CSMD1: variants seen among roughly 807,000 people sequenced by gnomAD.
The protein encoded by CSMD1 is CUB and sushi domain-containing protein 1.
In CSMD1, 213 loss-of-function variants were observed where a neutral mutation model predicts 417.5. The ratio of observed to expected loss-of-function variants is 0.51; its 90% CI spans 0.46 to 0.57. CSMD1 has a LOEUF of 0.57. Among genes scored for constraint, CSMD1 ranks in the 20% least tolerant of loss-of-function variants. The probability of loss-of-function intolerance (pLI) is 0.00; values close to 1 mark genes in which losing one functional copy is unlikely to be tolerated. For synonymous variants in CSMD1, 2,862 were observed against 1,736.8 expected, an observed-to-expected ratio of 1.65 and a Z score of -16.11; for missense variants, 6,923 against 4,529.7, an observed-to-expected ratio of 1.53 and a Z score of -15.17.
intron 6 of CSMD1, among the ~76,000 whole-genome samples, chr8:3,730,960 G>C (rs1796216125): frequency 6.6e-6 from 1 of 152,128 alleles, no homozygotes; most frequent in African/African-American, 2.4e-5. Context: ...AATTATTTTA[G>C]TGGGGAAAAT....
At chr8:3,361,430 C>T (rs1462116268) in intron 20 of CSMD1, among the ~76,000 whole-genome samples, 5 of 151,650 alleles carry the variant, frequency 3.3e-5, no homozygotes, top group African/African-American at 1.2e-4. Flanking sequence ...AGTTTGAGAC[C>T]AGACTGACTA....
At chr8:4,028,229 C>A (rs545418910) in intron 4 of CSMD1, among the ~76,000 whole-genome samples, 1 of 152,110 alleles carries the variant, frequency 6.6e-6, no homozygotes. Flanking sequence ...AATTCAAATA[C>A]GATTAATCCC....
At chr8:4,021,046 C>G (rs1796763852) in intron 4 of CSMD1, among the ~76,000 whole-genome samples, 2 of 152,126 alleles carry the variant, frequency 1.3e-5, no homozygotes, top group South Asian at 2.1e-4. Flanking sequence ...GAATAAAACC[C>G]AGTGACAGCA....
chr8:4,317,311 C>T (rs1354188974), intron 3 of CSMD1, among the ~76,000 whole-genome samples: 1 of 152,102 alleles, frequency 6.6e-6, no homozygotes, highest in Admixed American at 6.6e-5. Context: ...TATAAATTTC[C>T]TGCTTGCTAA....
chr8:3,580,153 C>T (rs1026685667), intron 9 of CSMD1, among the ~76,000 whole-genome samples: 2 of 152,066 alleles, frequency 1.3e-5, no homozygotes, highest in Non-Finnish European at 2.9e-5. Context: ...ATGCAGTGCT[C>T]ATCATGAGTT....
intron 5 of CSMD1, among the ~76,000 whole-genome samples, chr8:3,877,735 G>C (rs544029870): frequency 3.2e-4 from 49 of 152,194 alleles, no homozygotes; most frequent in Admixed American, 9.2e-4. Flanking sequence ...TAGCAAGTTT[G>C]ACCGTTAATA....
intron 5 of CSMD1, among the ~76,000 whole-genome samples, chr8:3,933,547 G>T (rs1011152385): frequency 6.6e-6 from 1 of 152,158 alleles, no homozygotes; most frequent in East Asian, 1.9e-4. Flanking sequence ...AAAGAGATGA[G>T]AGTCCTGGCA....
chr8:4,497,152 A>G (rs940303647), intron 2 of CSMD1, among the ~76,000 whole-genome samples: 2 of 152,054 alleles, frequency 1.3e-5, no homozygotes, highest in African/African-American at 4.8e-5. Flanking sequence ...GTTTTTTGGT[A>G]TTTCTTTTAG....
chr8:4,595,604 T>G (rs1800230859), intron 2 of CSMD1, among the ~76,000 whole-genome samples: 1 of 152,030 alleles, frequency 6.6e-6, no homozygotes, highest in South Asian at 2.1e-4. Flanking sequence ...TTTCCTTACT[T>G]AAGTATAACC....
Position 3,716,337 on chromosome 8 carries a change from T to C in CSMD1, c.932-7846A>G, listed in dbSNP as rs117210667. ...CAAGTTTATTGAGAAAATAGAGGAA[T>C]AAAAGAAGGGCTACTCCATAGACAG... is the stretch of plus-strand genomic sequence containing the variant. On this transcript the variant is annotated intron_variant, in intron 6 of 69. Transcript: ENST00000635120. 1.5e-3 allele frequency among the ~76,000 whole-genome samples: 233 copies of C among 152,332 alleles called. 5 individuals are homozygous for C. The East Asian group carries it at 0.039, about 25-fold the overall frequency.
intron 5 of CSMD1, among the ~76,000 whole-genome samples, chr8:3,869,907 A>T (rs1805364977): frequency 6.6e-6 from 1 of 152,208 alleles, no homozygotes; most frequent in Non-Finnish European, 1.5e-5. Flanking sequence ...GGCTTAAAGG[A>T]AAAACTAGCC....
chr8:3,192,559 C>T (rs569963464), intron 33 of CSMD1, among the ~76,000 whole-genome samples: 147 of 152,278 alleles, frequency 9.7e-4, no homozygotes, highest in African/African-American at 3.1e-3. Context: ...AAATAGGTCA[C>T]GAGCCAGATG....
chr8:3,843,823 G>C (rs553347139), intron 5 of CSMD1, among the ~76,000 whole-genome samples: 1 of 152,248 alleles, frequency 6.6e-6, no homozygotes, highest in East Asian at 1.9e-4. Flanking sequence ...GCTTGTTTTA[G>C]GAATCAAATG....
chr8:4,309,334 G>A (rs1263598141), intron 3 of CSMD1, among the ~76,000 whole-genome samples: 1 of 152,098 alleles, frequency 6.6e-6, no homozygotes, highest in African/African-American at 2.4e-5. Context: ...AAAATGAGAT[G>A]AGAAGTTTTT....
intron 27 of CSMD1, among the ~76,000 whole-genome samples, chr8:3,227,292 T>C (rs137862712): frequency 0.046 from 6,639 of 142,980 alleles, 208 homozygotes; most frequent in South Asian, 0.12. Flanking sequence ...TCCCAGCTAC[T>C]TGGGAGGCTG....
chr8:4,638,299 A>G (rs1485685294), intron 1 of CSMD1, among the ~76,000 whole-genome samples: 1 of 152,204 alleles, frequency 6.6e-6, no homozygotes, highest in African/African-American at 2.4e-5. Flanking sequence ...ACCTAGCCAC[A>G]TAACTGCAAT....
chr8:3,283,230 G>C (rs1802873812), intron 26 of CSMD1, among the ~76,000 whole-genome samples: 1 of 152,062 alleles, frequency 6.6e-6, no homozygotes, highest in South Asian at 2.1e-4. Flanking sequence ...GTTGCAAGCA[G>C]AGAATCAAAG....
intron 3 of CSMD1, among the ~76,000 whole-genome samples, chr8:4,211,910 A>G (rs1355787707): frequency 6.6e-6 from 1 of 152,222 alleles, no homozygotes; most frequent in African/African-American, 2.4e-5. Flanking sequence ...CAACATCATC[A>G]ATGTACTATT....
At chr8:3,188,859 T>C (rs1414532627) in intron 35 of CSMD1, 28 bp downstream of exon 35, 7 of 1,536,030 alleles carry the variant, frequency 4.6e-6, no homozygotes, top group Non-Finnish European at 6.1e-6. Flanking sequence ...CTGAGCCCTG[T>C]TGTAGACTGT....
Sources: gnomAD v4.1 joint callset for allele counts (sites outside exome capture counted in the v4.1 genomes callset) on GRCh38, gnomAD v4.1.1 for gene constraint, MANE v1.5 for transcripts, NCBI Gene and HGNC (gene_info 2026-07-23, HGNC 2026-07-21) for gene names.